C2CD3: variants seen among roughly 807,000 people sequenced by gnomAD.
C2CD3 encodes C2 domain containing 3 centriole elongation regulator, also known as C2 domain-containing protein 3.
C2CD3 carries 148 observed loss-of-function variants against 234.0 expected under a neutral mutation model. The observed-to-expected ratio is 0.63, with a 90% confidence interval of 0.55 to 0.72. The LOEUF (loss-of-function observed/expected upper bound fraction) is 0.72. Among genes scored for constraint, C2CD3 ranks in the 30% least tolerant of loss-of-function variants. C2CD3 has a pLI of 0.00. For synonymous variants in C2CD3, 1,000 were observed against 1,035.4 expected (o/e 0.97, Z 0.66); for missense variants, 2,577 against 2,811.5 (o/e 0.92, Z 1.89).
chr11:74,051,943 T>C (rs1196004762), intron 26 of C2CD3, among the ~76,000 whole-genome samples: 1 of 152,048 alleles, frequency 6.6e-6, no homozygotes, highest in Non-Finnish European at 1.5e-5. Flanking sequence ...ACTAGATGTG[T>C]TGAGTTTGTG....
intron 26 of C2CD3, among the ~76,000 whole-genome samples, chr11:74,050,781 C>T (rs1953640618): frequency 6.8e-6 from 1 of 147,300 alleles, no homozygotes; most frequent in Non-Finnish European, 1.5e-5. Context: ...CACTATGTTC[C>T]CTACACTCTC....
In C2CD3 at chr11:74,139,681, T is replaced by C. The variant is rs1156367160; in HGVS notation, c.631A>G (p.Arg211Gly). 1 of 1,613,868 alleles carries C rather than the reference T, an allele frequency of 6.2e-7. No homozygotes were observed. Among genetic ancestry groups the C allele is most frequent in the Non-Finnish European group, 8.5e-7 (1 of 1,179,906 alleles). The change falls in exon 4 of 33, where the codon AGG (arginine) becomes GGG (glycine). Residue 211 changes from arginine to glycine, a missense_variant. Arg to Gly is a moderately radical substitution (Grantham distance 125). Transcript: ENST00000334126. ...PSSTQFQVPS[R>G]PRDIHTIKID... ...TTGATGGTATGTATGTCGCGAGGCC[T>C]TGATGGAACCTGAAACTGGGTACTG...
At chr11:74,082,235 C>T (rs1488209233) in intron 22 of C2CD3, among the ~76,000 whole-genome samples, 6 of 151,798 alleles carry the variant, frequency 4.0e-5, no homozygotes, top group Non-Finnish European at 8.8e-5. Context: ...CCTGCCTCAG[C>T]CCCCGGAGTA....
intron 3 of C2CD3, 131 bp downstream of exon 3, chr11:74,161,268 T>C (rs1856443668): frequency 1.4e-5 from 7 of 503,136 alleles, no homozygotes; most frequent in Non-Finnish European, 2.0e-5. Context: ...GGTAAAAACA[T>C]GGGCAAAGGC....
In C2CD3 at chr11:74,013,370, G is replaced by A; in HGVS notation, c.*15C>T. ...GTGGGCAGGTGTCTCCTTCCCCCCA[G>A]CCCCTCAGGCTGCGTCAGTCTTTCT... On this transcript the variant is annotated 3_prime_UTR_variant, in exon 33 of 33. Coordinates refer to ENST00000334126, the MANE Select transcript of C2CD3 (RefSeq NM_001286577.2). 1.1e-6 allele frequency: 1 copy of A among 872,500 alleles called. No homozygotes were observed. Among genetic ancestry groups the A allele is most frequent in the Non-Finnish European group, 1.6e-6 (1 of 622,468 alleles). The allele number at this position is 872,500 out of a possible 1,614,324, so 54.0% of individuals were successfully genotyped here.
At chr11:74,050,405 A>C (rs1056519521) in intron 26 of C2CD3, among the ~76,000 whole-genome samples, 1 of 152,168 alleles carries the variant, frequency 6.6e-6, no homozygotes, top group African/African-American at 2.4e-5. Context: ...TTCTCTTTTT[A>C]TTGGACAAGC....
chr11:74,152,363 A>G (rs992044511), intron 3 of C2CD3, among the ~76,000 whole-genome samples: 2 of 152,212 alleles, frequency 1.3e-5, no homozygotes, highest in Admixed American at 6.5e-5. Context: ...AAGATTACCT[A>G]CACAGCCCTG....
rs1352857135 is a variant in C2CD3 at position 74,078,463 on chromosome 11, G to A, written c.4255C>T (p.His1419Tyr). 6.2e-7 allele frequency: 1 copy of A among 1,614,172 alleles called. No individual in the cohort carries two copies. The highest frequency in any genetic ancestry group is 1.1e-5 in the South Asian group (1 of 91,066). ...TTGTGGCCAGCAAGCAGCACACAATGGATGGGCAGCCACAGCCTTGGGGTG... is the reference window on the plus strand; with the variant it reads ...TTGTGGCCAGCAAGCAGCACACAATAGATGGGCAGCCACAGCCTTGGGGTG... ...ISTPRLWLPIHCVLLAGHNHI... is the reference protein window; with the variant it reads ...ISTPRLWLPIYCVLLAGHNHI... Residue 1419 changes from histidine to tyrosine, a missense_variant, in exon 23 of 33, where the codon CAT becomes TAT. Coordinates refer to ENST00000334126, the MANE Select transcript of C2CD3 (RefSeq NM_001286577.2).
intron 32 of C2CD3, among the ~76,000 whole-genome samples, chr11:74,025,782 C>T (rs1027788333): frequency 1.3e-5 from 2 of 152,026 alleles, no homozygotes; most frequent in African/African-American, 4.8e-5. Flanking sequence ...CACCATCATC[C>T]TATTAGGTAT....
At chr11:74,132,180 G>A (rs769483108) in intron 7 of C2CD3, among the ~76,000 whole-genome samples, 3 of 152,028 alleles carry the variant, frequency 2.0e-5, no homozygotes, top group Admixed American at 6.6e-5. Context: ...GTGAAACCCC[G>A]TCGCTACTAA....
At chr11:74,133,386 G>T in intron 6 of C2CD3, 39 bp downstream of exon 6, 3 of 1,583,564 alleles carry the variant, frequency 1.9e-6, no homozygotes, top group Non-Finnish European at 1.7e-6. Context: ...CAACTATTAA[G>T]AAATGAACTG....
intron 20 of C2CD3, among the ~76,000 whole-genome samples, chr11:74,088,679 G>C (rs560629035): frequency 6.6e-6 from 1 of 152,304 alleles, no homozygotes; most frequent in East Asian, 1.9e-4. Context: ...TTAAATGCTA[G>C]TTAATTTAAT....
chr11:74,152,239 C>T lies in C2CD3; in HGVS notation c.483+9160G>A, dbSNP rs145450307. Among the ~76,000 whole-genome samples the T allele has an allele frequency of 4.9e-3, 748 of 152,242 alleles. 20 individuals are homozygous for T. The highest frequency in any genetic ancestry group is 1.5e-3 in the Non-Finnish European group (99 of 68,004). Reference sequence around the variant, plus strand: ...GAGATATAATCACAATTGCTTTAGACGTTTAAAGACAGAAAAGGGATGTTA... The same window carrying T: ...GAGATATAATCACAATTGCTTTAGATGTTTAAAGACAGAAAAGGGATGTTA... On this transcript the variant is annotated intron_variant, in intron 3 of 32. Transcript: ENST00000334126.
chr11:74,103,057 C>T (rs748226126), intron 14 of C2CD3, 74 bp downstream of exon 14: 116 of 1,411,270 alleles, frequency 8.2e-5, no homozygotes, highest in African/African-American at 5.2e-4. Flanking sequence ...AGATTTAAGA[C>T]GAAATAATAA....
At chr11:74,017,661 G>C (rs1212719848) in intron 32 of C2CD3, among the ~76,000 whole-genome samples, 1 of 152,168 alleles carries the variant, frequency 6.6e-6, no homozygotes, top group Non-Finnish European at 1.5e-5. Flanking sequence ...TTTGGGCCTT[G>C]GTTTGTGCAT....
intron 13 of C2CD3, among the ~76,000 whole-genome samples, chr11:74,104,046 G>A (rs1404756395): frequency 6.6e-6 from 1 of 152,152 alleles, no homozygotes; most frequent in Non-Finnish European, 1.5e-5. Context: ...AGAAGAAACA[G>A]CTTCTCTATA....
intron 8 of C2CD3, among the ~76,000 whole-genome samples, chr11:74,122,777 C>T (rs1349008597): frequency 1.3e-5 from 2 of 152,234 alleles, no homozygotes; most frequent in Non-Finnish European, 2.9e-5. Context: ...GGCTCTAATA[C>T]TTATTTGCTA....
Position 74,147,307 on chromosome 11 carries a change from C to T in C2CD3, c.484-7479G>A, listed in dbSNP as rs868081087. 2.6e-5 allele frequency among the ~76,000 whole-genome samples: 4 copies of T among 152,022 alleles called. No homozygotes were observed. The South Asian group carries it at 8.3e-4, about 31-fold the overall frequency. On this transcript the variant is annotated intron_variant, in intron 3 of 32. Transcript: ENST00000334126. ...GGTGTGCACCTGTTAGTCCCAGCTA[C>T]TAGGAAGGCTGTCGTGGGAGGATCA...
chr11:74,165,706 T>C (rs1338905627), intron 2 of C2CD3, among the ~76,000 whole-genome samples: 2 of 152,086 alleles, frequency 1.3e-5, no homozygotes, highest in Non-Finnish European at 2.9e-5. Context: ...CAGGCTGGAG[T>C]ACAGCGGCAT....
Sources: gnomAD v4.1 joint callset for allele counts (sites outside exome capture counted in the v4.1 genomes callset) on GRCh38, gnomAD v4.1.1 for gene constraint, MANE v1.5 for transcripts, NCBI Gene and HGNC (gene_info 2026-07-23, HGNC 2026-07-21) for gene names.